RANBP17: variants seen among roughly 807,000 people sequenced by gnomAD.
RANBP17 encodes the protein ran-binding protein 17.
RANBP17 carries 158 observed loss-of-function variants against 141.2 expected under a neutral mutation model. The observed-to-expected ratio is 1.12, with a 90% confidence interval of 0.98 to 1.28. The LOEUF is 1.28. Among genes scored for constraint, RANBP17 ranks in the 50% most tolerant of loss-of-function variants. The pLI is 0.00. For missense variants in RANBP17, 1,438 were observed against 1,290.7 expected (o/e 1.11, Z -1.75); for synonymous variants, 430 against 450.0 (o/e 0.96, Z 0.56).
chr5:171,130,089 AAT>A (rs1212488595), intron 14 of RANBP17, among the ~76,000 whole-genome samples: 1 of 152,212 alleles, frequency 6.6e-6, no homozygotes, highest in Non-Finnish European at 1.5e-5. Flanking sequence ...AATTCACAGT[AAT>A]AGGTATTCTG....
At chr5:171,072,472 A>T (rs914911121) in intron 14 of RANBP17, among the ~76,000 whole-genome samples, 7 of 152,106 alleles carry the variant, frequency 4.6e-5, no homozygotes, top group African/African-American at 1.4e-4. Context: ...AAGACAAAAG[A>T]TCTGAATAGG....
intron 18 of RANBP17, among the ~76,000 whole-genome samples, 193 bp downstream of exon 18, chr5:171,183,623 G>A (rs1761021604): frequency 6.6e-6 from 1 of 152,192 alleles, no homozygotes; most frequent in Admixed American, 6.5e-5. Context: ...TGTACTTAAG[G>A]TGGCATTTTT....
chr5:170,970,542 G>A (rs1279886223), intron 14 of RANBP17: 2 of 152,036 alleles, frequency 1.3e-5, no homozygotes, highest in Non-Finnish European at 2.9e-5. Flanking sequence ...AGAAGAAAAT[G>A]TTTCCCCTGC....
chr5:171,061,620 GA>G (rs1238998305), intron 14 of RANBP17, among the ~76,000 whole-genome samples: 12 of 152,026 alleles, frequency 7.9e-5, no homozygotes, highest in Non-Finnish European at 1.3e-4. Flanking sequence ...GTGTGGTGCT[GA>G]AAAAAAATGT....
intron 21 of RANBP17, among the ~76,000 whole-genome samples, chr5:171,219,697 G>A (rs142300915): frequency 0.01 from 1,516 of 151,570 alleles, 60 homozygotes; most frequent in East Asian, 0.087. Flanking sequence ...ATTGATACTT[G>A]TGTATGCTTC....
chr5:171,278,869 A>G (rs1454498664), intron 25 of RANBP17, among the ~76,000 whole-genome samples: 1 of 152,190 alleles, frequency 6.6e-6, no homozygotes, highest in Non-Finnish European at 1.5e-5. Context: ...AGACTTACCT[A>G]ACACAAAGAA....
intron 14 of RANBP17, among the ~76,000 whole-genome samples, chr5:171,147,389 G>GT (rs1431550870): frequency 8.4e-6 from 1 of 119,110 alleles, no homozygotes; most frequent in South Asian, 3.0e-4. Context: ...GTGGTTGTTT[G>GT]TTTTTTTGTG....
intron 22 of RANBP17, among the ~76,000 whole-genome samples, chr5:171,224,393 G>T (rs1459623583): frequency 6.6e-6 from 1 of 151,914 alleles, no homozygotes. Context: ...TTCCTTTAGG[G>T]TTTATTTACT....
chr5:171,151,134 C>G (rs1181246883), intron 14 of RANBP17, among the ~76,000 whole-genome samples: 1 of 152,086 alleles, frequency 6.6e-6, no homozygotes, highest in African/African-American at 2.4e-5. Context: ...TGTCACTACC[C>G]AGAAATGTGA....
At chr5:171,047,651 G>T (rs1451090339) in intron 14 of RANBP17, among the ~76,000 whole-genome samples, 2 of 151,730 alleles carry the variant, frequency 1.3e-5, no homozygotes, top group African/African-American at 4.8e-5. Context: ...TGTTGGGCAG[G>T]CTGGTCTTCA....
chr5:171,018,562 A>G lies in RANBP17; in HGVS notation c.1710+50185A>G, dbSNP rs151197798. Among the ~76,000 whole-genome samples, 1,202 of 151,978 alleles carry G rather than the reference A, an allele frequency of 7.9e-3. 16 individuals carry two copies. The highest frequency in any genetic ancestry group is 0.028 in the African/African-American group (1,141 of 41,472). ...TCATGATTTGGCTCTCTGCTAGTCT[A>G]TTGTAGGTGTAAAGGAATGCCTGTG... On this transcript the variant is annotated intron_variant, in intron 14 of 27. Coordinates refer to ENST00000523189, the MANE Select transcript of RANBP17 (RefSeq NM_022897.5).
At chr5:170,950,863 G>A (rs903242043) in intron 12 of RANBP17, among the ~76,000 whole-genome samples, 1 of 152,042 alleles carries the variant, frequency 6.6e-6, no homozygotes, top group African/African-American at 2.4e-5. Flanking sequence ...AAATAATGTG[G>A]TATATATACA....
rs1249165699 is a variant in RANBP17, at chr5:170,911,026, G to T, written c.652G>T (p.Val218Phe). The T allele has an allele frequency of 6.2e-7, 1 of 1,612,048 alleles. No homozygotes were observed. Among genetic ancestry groups the T allele is most frequent in the South Asian group, 1.1e-5 (1 of 91,000 alleles). Residue 218 changes from valine (V) to phenylalanine (F), a missense_variant, in exon 7 of 28, where the codon GTC becomes TTC. Coordinates refer to ENST00000523189, the MANE Select transcript of RANBP17 (RefSeq NM_022897.5). ...DQCQQNLVMQ[V>F]LKLVLNCLNF... ...ATGTCAGCAAAATCTGGTAATGCAGGTCTTGAAACTGGTCCTTAACTGCCT... is the reference window on the plus strand; with the variant it reads ...ATGTCAGCAAAATCTGGTAATGCAGTTCTTGAAACTGGTCCTTAACTGCCT...
At chr5:170,969,290 T>C (rs377061747) in intron 14 of RANBP17, among the ~76,000 whole-genome samples, 19 of 151,770 alleles carry the variant, frequency 1.3e-4, no homozygotes, top group African/African-American at 4.6e-4. Flanking sequence ...TATTATGATA[T>C]TATCATTTAG....
At chr5:171,253,123 A>T (rs1765681527) in intron 24 of RANBP17, 1 of 603,546 alleles carries the variant, frequency 1.7e-6, no homozygotes, top group Non-Finnish European at 2.9e-6. Context: ...GCACACGATA[A>T]AGCAAAGACG....
intron 18 of RANBP17, among the ~76,000 whole-genome samples, chr5:171,188,973 A>G (rs1761452041): frequency 6.6e-6 from 1 of 152,240 alleles, no homozygotes. Context: ...AATTTGAATA[A>G]TTGGATTTTA....
chr5:171,159,427 T>C (rs1759159420), intron 14 of RANBP17, among the ~76,000 whole-genome samples: 1 of 152,252 alleles, frequency 6.6e-6, no homozygotes. Context: ...TGATATTTTA[T>C]GTCCTACAAT....
In RANBP17 at chr5:170,878,109, T is replaced by G. The variant is rs772265869; in HGVS notation, c.31T>G (p.Leu11Val). The change falls in exon 2 of 28, where the codon TTG becomes GTG. Residue 11 changes from leucine (L) to valine (V), a missense_variant. Transcript: ENST00000523189. MALHFQSLAE[L>V]EVLCTHLYIG... The stretch of plus-strand genomic sequence containing the variant: ...TTTTTCTTTGAAGAGTTTGGCTGAA[T>G]TGGAAGTGTTATGTACTCATCTCTA... 10 of 1,561,132 alleles carry G rather than the reference T, an allele frequency of 6.4e-6. No individual in the cohort carries two copies. Among genetic ancestry groups the G allele is most frequent in the Non-Finnish European group, 7.8e-6 (9 of 1,156,452 alleles).
At chr5:171,000,631 GT>G (rs1416301910) in intron 14 of RANBP17, among the ~76,000 whole-genome samples, 1 of 152,182 alleles carries the variant, frequency 6.6e-6, no homozygotes, top group African/African-American at 2.4e-5. Flanking sequence ...TGAGCAACAA[GT>G]CTGTTTATTT....
Sources: gnomAD v4.1 joint callset for allele counts (sites outside exome capture counted in the v4.1 genomes callset) on GRCh38, gnomAD v4.1.1 for gene constraint, MANE v1.5 for transcripts, NCBI Gene and HGNC (gene_info 2026-07-23, HGNC 2026-07-21) for gene names.